Variants in ARPC2 observed in about 807,000 individuals in gnomAD.
ARPC2 encodes the protein actin-related protein 2/3 complex subunit 2.
A neutral mutation model predicts 38.6 loss-of-function variants in ARPC2; 4 were observed. The observed-to-expected ratio is 0.10, with a 90% CI of 0.05 to 0.24. The LOEUF is 0.24. ARPC2 is among the 10% of genes least tolerant of loss of function. ARPC2 has a pLI of 1.00. For synonymous variants in ARPC2, 125 were observed against 140.8 expected (o/e 0.89, Z 0.79); for missense variants, 229 against 387.3 (o/e 0.59, Z 3.43).
Position 218,254,096 on chromosome 2 carries a change from G to T in ARPC2, c.*181G>T. 3.6e-5 allele frequency: 18 copies of T among 493,182 alleles called. No homozygotes were observed. The highest frequency in any genetic ancestry group is 5.1e-5 in the Non-Finnish European group (15 of 296,084). The allele number at this position is 493,182 out of a possible 1,614,324, so 30.6% of individuals were successfully genotyped here. On this transcript the variant is annotated 3_prime_UTR_variant, in exon 11 of 11. Coordinates refer to ENST00000315717, the MANE Select transcript of ARPC2 (RefSeq NM_152862.3). ...GAGCTGTGCTTGCAAAGACTTCATA[G>T]TTCCCAAGAATTAAAAAAAAAAAAA...
chr2:218,221,214 C>T (rs1004691532), intron 2 of ARPC2, among the ~76,000 whole-genome samples: 3 of 152,032 alleles, frequency 2.0e-5, no homozygotes, highest in Non-Finnish European at 4.4e-5. Flanking sequence ...GTGTATATTG[C>T]GGGGAGCTGT....
chr2:218,254,057 T>A lies in ARPC2; in HGVS notation c.*142T>A. On this transcript the variant is annotated 3_prime_UTR_variant, in exon 11 of 11. Transcript: ENST00000315717. The stretch of plus-strand genomic sequence containing the variant: ...TTCCATTTTGTACACGTTTGGAAAA[T>A]AATCTGCAGAAACGAGCTGTGCTTG... 2 of 1,027,566 alleles carry A rather than the reference T, an allele frequency of 1.9e-6. No individual in the cohort carries two copies. 63.7% of individuals were successfully genotyped at this position (1,027,566 alleles called of 1,614,324 possible). A position where few individuals can be genotyped will look rare whatever the true frequency, so the allele number is the denominator to read the frequency against.
chr2:218,220,174 G>A (rs940718663), intron 2 of ARPC2, among the ~76,000 whole-genome samples: 1 of 152,170 alleles, frequency 6.6e-6, no homozygotes, highest in South Asian at 2.1e-4. Flanking sequence ...TAGTTTGGAG[G>A]AGAAACCCTG....
intron 4 of ARPC2, among the ~76,000 whole-genome samples, chr2:218,231,829 C>T (rs1689640213): frequency 1.3e-5 from 2 of 152,188 alleles, no homozygotes; most frequent in African/African-American, 4.8e-5. Context: ...TTCAGCCAGG[C>T]GTGGGGGCTC....
At chr2:218,225,838 A>C in intron 2 of ARPC2, 82 bp from the exon 3 acceptor site, 1 of 1,325,104 alleles carries the variant, frequency 7.5e-7, no homozygotes, top group Middle Eastern at 1.8e-4. Flanking sequence ...TCTTAAGTGA[A>C]GCTCAGGTGC....
At chr2:218,240,138 A>G (rs1458215425) in intron 7 of ARPC2, among the ~76,000 whole-genome samples, 1 of 151,960 alleles carries the variant, frequency 6.6e-6, no homozygotes, top group Non-Finnish European at 1.5e-5. Flanking sequence ...TACTTTTAGT[A>G]GAGATGGGGT....
At chr2:218,230,046 C>G (rs1260113177) in intron 4 of ARPC2, among the ~76,000 whole-genome samples, 3 of 151,958 alleles carry the variant, frequency 2.0e-5, no homozygotes, top group Non-Finnish European at 2.9e-5. Flanking sequence ...GCTCAGCTCA[C>G]TGCAACCTCC....
rs1167468713 is a variant in ARPC2 at position 218,217,223 on chromosome 2, C to A, written c.-40C>A. The stretch of plus-strand genomic sequence containing the variant: ...GCGGCAGTGGCGGCGGCGGCGGCGG[C>A]TCGGCAGGCGGGTTCAGGCTTCGGG... On this transcript the variant is annotated 5_prime_UTR_variant, in exon 1 of 11. Transcript: ENST00000315717. 2.3e-6 allele frequency: 1 copy of A among 443,314 alleles called. No individual in the cohort carries two copies. The highest frequency in any genetic ancestry group is 3.9e-6 in the Non-Finnish European group (1 of 254,070). The allele number at this position is 443,314 out of a possible 1,614,324, so 27.5% of individuals were successfully genotyped here.
At chr2:218,246,066 A>C (rs1690023138) in intron 8 of ARPC2, among the ~76,000 whole-genome samples, 1 of 152,086 alleles carries the variant, frequency 6.6e-6, no homozygotes, top group South Asian at 2.1e-4. Context: ...TACAAAAAAA[A>C]ATTAGCTGGG....
intron 2 of ARPC2, among the ~76,000 whole-genome samples, chr2:218,218,778 C>G (rs1689318909): frequency 6.6e-6 from 1 of 152,154 alleles, no homozygotes; most frequent in South Asian, 2.1e-4. Context: ...TATAGTATGT[C>G]CTGTCTCCTT....
At chr2:218,223,835 C>A (rs1295896967) in intron 2 of ARPC2, among the ~76,000 whole-genome samples, 2 of 152,182 alleles carry the variant, frequency 1.3e-5, no homozygotes, top group African/African-American at 4.8e-5. Context: ...AACACTTTTC[C>A]TGGGCCAGTC....
chr2:218,225,191 G>A (rs951737772), intron 2 of ARPC2, among the ~76,000 whole-genome samples: 10 of 152,148 alleles, frequency 6.6e-5, no homozygotes, highest in Admixed American at 4.6e-4. Context: ...AAAGGTGTAA[G>A]GGTATTTGTC....
intron 4 of ARPC2, among the ~76,000 whole-genome samples, chr2:218,231,884 G>A (rs1440248558): frequency 3.3e-5 from 5 of 152,146 alleles, no homozygotes; most frequent in African/African-American, 4.8e-5. Context: ...CAGGAGCATC[G>A]CTTGAGGTCA....
At chr2:218,218,429 C>G (rs1295910341) in intron 2 of ARPC2, among the ~76,000 whole-genome samples, 1 of 152,240 alleles carries the variant, frequency 6.6e-6, no homozygotes, top group African/African-American at 2.4e-5. Context: ...GCCTCTCTGC[C>G]AAACACAAGA....
At chr2:218,245,308 G>C in intron 7 of ARPC2, 112 bp from the exon 8 acceptor site, 1 of 1,355,388 alleles carries the variant, frequency 7.4e-7, no homozygotes, top group Non-Finnish European at 1.0e-6. Flanking sequence ...TTAACCTCCT[G>C]CTGGTCTGGA....
chr2:218,226,626 CAAAAAAAA>C (rs34789459), intron 3 of ARPC2, among the ~76,000 whole-genome samples: 7 of 61,466 alleles, frequency 1.1e-4, no homozygotes, highest in African/African-American at 4.0e-4. Context: ...GACTCCATCT[CAAAAAAAA>C]AAAAAAAAAA....
intron 2 of ARPC2, among the ~76,000 whole-genome samples, chr2:218,221,710 T>C (rs922766691): frequency 3.3e-5 from 5 of 152,236 alleles, no homozygotes; most frequent in Admixed American, 2.0e-4. Flanking sequence ...CTTGTTTCTT[T>C]AGGAGCTGAC....
At position 218,228,775 on chromosome 2, in the gene ARPC2, T is replaced by C; in HGVS notation, c.147T>C (p.Asn49=). The C allele has an allele frequency of 6.2e-7, 1 of 1,610,106 alleles. No homozygotes were observed. Among genetic ancestry groups the C allele is most frequent in the Non-Finnish European group, 8.5e-7 (1 of 1,176,400 alleles). The change falls in exon 4 of 11, where the codon AAT becomes AAC. Residue 49 remains asparagine, a synonymous_variant. Coordinates refer to ENST00000315717, the MANE Select transcript of ARPC2 (RefSeq NM_152862.3). ...TCCTCTATCATATTTCAAATCCTAA[T>C]GGAGACAAAACAAAAGTGATGGTCA... The part of the protein sequence containing the change: ...DGVLYHISNP[N]GDKTKVMVSI...
intron 8 of ARPC2, among the ~76,000 whole-genome samples, chr2:218,248,503 C>G (rs1690101300): frequency 6.6e-6 from 1 of 152,184 alleles, no homozygotes; most frequent in African/African-American, 2.4e-5. Flanking sequence ...CTCTGTCACT[C>G]AGGCTGGAGT....
Sources: allele counts gnomAD v4.1 joint callset (sites outside exome capture counted in the v4.1 genomes callset), GRCh38; gene constraint gnomAD v4.1.1; transcripts MANE v1.5; gene names NCBI Gene and HGNC (gene_info 2026-07-23, HGNC 2026-07-21).